RTN1: variants seen among roughly 807,000 people sequenced by gnomAD.
The protein encoded by RTN1 is reticulon-1.
Under a neutral mutation model 65.5 loss-of-function variants are expected in RTN1, and 25 were observed. The observed-to-expected ratio is 0.38, with a 90% CI of 0.28 to 0.53. The LOEUF (loss-of-function observed/expected upper bound fraction) is 0.53. Ranked by LOEUF, RTN1 falls within the 20% of genes least tolerant of loss-of-function variation. The pLI, the probability that RTN1 is intolerant of heterozygous loss-of-function variation, is 0.79. For missense variants in RTN1, 983 were observed against 1,025.4 expected, an observed-to-expected ratio of 0.96 and a Z score of 0.57; for synonymous variants, 471 against 447.6, an observed-to-expected ratio of 1.05 and a Z score of -0.66.
At chr14:59,690,311 G>GT (rs917910310) in intron 3 of RTN1, among the ~76,000 whole-genome samples, 4 of 151,476 alleles carry the variant, frequency 2.6e-5, no homozygotes, top group Admixed American at 1.3e-4. Context: ...AGGTGGGGGG[G>GT]GGTCATTATC....
intron 1 of RTN1, among the ~76,000 whole-genome samples, chr14:59,763,465 G>C (rs963489465): frequency 6.6e-6 from 1 of 151,668 alleles, no homozygotes; most frequent in Non-Finnish European, 1.5e-5. Flanking sequence ...GGAAGAAAAA[G>C]GCCAATAAAT....
chr14:59,603,551 G>T (rs996315719), intron 6 of RTN1, among the ~76,000 whole-genome samples: 2 of 151,380 alleles, frequency 1.3e-5, no homozygotes, highest in African/African-American at 4.9e-5. Flanking sequence ...TCCATCCATA[G>T]CTGCCACTGT....
intron 1 of RTN1, among the ~76,000 whole-genome samples, chr14:59,768,680 T>C (rs1234478946): frequency 6.6e-6 from 1 of 152,132 alleles, no homozygotes; most frequent in Non-Finnish European, 1.5e-5. Flanking sequence ...CATGCTAATA[T>C]GGTTCTGTTC....
chr14:59,777,781 G>C (rs192994892), intron 1 of RTN1, among the ~76,000 whole-genome samples: 1 of 148,586 alleles, frequency 6.7e-6, no homozygotes, highest in Non-Finnish European at 1.5e-5. Flanking sequence ...AATCAAAAAC[G>C]GAAGCAAGTC....
intron 1 of RTN1, among the ~76,000 whole-genome samples, chr14:59,859,364 T>C (rs1233886370): frequency 6.6e-6 from 1 of 152,204 alleles, no homozygotes; most frequent in African/African-American, 2.4e-5. Flanking sequence ...CTGCCATCCA[T>C]GTAAGACATG....
intron 1 of RTN1, among the ~76,000 whole-genome samples, chr14:59,858,400 T>A (rs753778588): frequency 2.0e-5 from 3 of 152,200 alleles, no homozygotes; most frequent in Non-Finnish European, 4.4e-5. Context: ...ATGACATTGT[T>A]TTCTATTCCT....
In RTN1 at chr14:59,807,178, A is replaced by C. The variant is rs890705527; in HGVS notation, c.242-60697T>G. On this transcript the variant is annotated intron_variant, in intron 1 of 8. Coordinates refer to ENST00000267484, the MANE Select transcript of RTN1 (RefSeq NM_021136.3). The stretch of plus-strand genomic sequence containing the variant: ...CAAATTAGAGGGCTTTCTAGGAAGC[A>C]TGGTGGGTGGTGACAGTGAGGTGGC... Among the ~76,000 whole-genome samples, 67 of 152,200 alleles carry C rather than the reference A, an allele frequency of 4.4e-4. 1 individual carries two copies. Among genetic ancestry groups the C allele is most frequent in the Non-Finnish European group, 1.3e-4 (9 of 68,030 alleles).
intron 3 of RTN1, among the ~76,000 whole-genome samples, chr14:59,617,614 T>C (rs940361963): frequency 2.0e-5 from 3 of 152,210 alleles, no homozygotes; most frequent in African/African-American, 7.2e-5. Context: ...TTGTTAGCTG[T>C]TCTTGAGGTT....
intron 1 of RTN1, among the ~76,000 whole-genome samples, chr14:59,826,689 T>C (rs10137860): frequency 0.025 from 3,869 of 152,288 alleles, 134 homozygotes; most frequent in African/African-American, 0.078. Context: ...GAAGAAAATA[T>C]AGTGTTTCTA....
At position 59,803,457 on chromosome 14, in the gene RTN1, A is replaced by G. The variant is rs145785278; in HGVS notation, c.242-56976T>C. On this transcript the variant is annotated intron_variant, in intron 1 of 8. Transcript: ENST00000267484. The surrounding 1 kb of genome is among the most constrained non-coding windows in gnomAD (Gnocchi z 5.6). ...GCAAAGAATTAGGGCAACTATCCAG[A>G]TAATTCAGGCCACCCAAATCTACTC... Among the ~76,000 whole-genome samples, 7 of 152,268 alleles carry G rather than the reference A, an allele frequency of 4.6e-5. No homozygotes were observed. The East Asian group carries it at 1.4e-3, about 29-fold the overall frequency.
intron 3 of RTN1, among the ~76,000 whole-genome samples, chr14:59,661,931 T>A (rs1883257245): frequency 6.6e-6 from 1 of 152,102 alleles, no homozygotes. Context: ...AAATAAAGCG[T>A]ATTCAATTAG....
At chr14:59,809,262 T>C (rs140484613) in intron 1 of RTN1, among the ~76,000 whole-genome samples, 82 of 152,256 alleles carry the variant, frequency 5.4e-4, no homozygotes, top group African/African-American at 1.9e-3. Flanking sequence ...GTATATCCTA[T>C]GTAAATCTCT....
At chr14:59,637,710 CAAAA>C in intron 3 of RTN1, among the ~76,000 whole-genome samples, 1 of 112,222 alleles carries the variant, frequency 8.9e-6, no homozygotes, top group Admixed American at 8.7e-5. Flanking sequence ...GACTCCGTCT[CAAAA>C]AAAAAAAAAA....
rs192765013 is a variant in RTN1 at position 59,867,327 on chromosome 14, G to A, written c.241+3063C>T. Among the ~76,000 whole-genome samples, 115 of 152,254 alleles carry A rather than the reference G, an allele frequency of 7.6e-4. 1 individual carries two copies. Among genetic ancestry groups the A allele is most frequent in the Non-Finnish European group, 9.6e-4 (65 of 67,992 alleles). On this transcript the variant is annotated intron_variant, in intron 1 of 8. Coordinates refer to ENST00000267484, the MANE Select transcript of RTN1 (RefSeq NM_021136.3). Reference sequence around the variant, plus strand: ...CTTTGTATAAAGTTATTAGATGATGGCACTTTTATGATTAACAACGCTAAC... The same window carrying A: ...CTTTGTATAAAGTTATTAGATGATGACACTTTTATGATTAACAACGCTAAC...
chr14:59,710,531 A>T (rs1168351911), intron 3 of RTN1, among the ~76,000 whole-genome samples: 2 of 152,242 alleles, frequency 1.3e-5, no homozygotes, highest in East Asian at 3.8e-4. Flanking sequence ...CATGGGGGGA[A>T]TAATGTCCTT....
chr14:59,628,690 T>A lies in RTN1; in HGVS notation c.1766-21198A>T, dbSNP rs1444427367. On this transcript the variant is annotated intron_variant, in intron 3 of 8. Transcript: ENST00000267484. ...GTAGCTCTGCATCAGAAATGAAAAATTATTGTCTTCAATGGCGAAACTATG... is the reference window on the plus strand; with the variant it reads ...GTAGCTCTGCATCAGAAATGAAAAAATATTGTCTTCAATGGCGAAACTATG... Among the ~76,000 whole-genome samples, 5 of 152,204 alleles carry A rather than the reference T, an allele frequency of 3.3e-5. No homozygotes were observed. The East Asian group carries it at 9.6e-4, about 29-fold the overall frequency.
At chr14:59,782,222 T>C (rs568184585) in intron 1 of RTN1, among the ~76,000 whole-genome samples, 20 of 152,240 alleles carry the variant, frequency 1.3e-4, no homozygotes, top group East Asian at 7.7e-4. Flanking sequence ...AGCTATCTAG[T>C]TTATGGTATT....
intron 1 of RTN1, among the ~76,000 whole-genome samples, chr14:59,750,373 T>TATA (rs551805260): frequency 0.25 from 7,539 of 30,464 alleles, 1,515 homozygotes; most frequent in African/African-American, 0.52. Flanking sequence ...ATATTATATC[T>TATA]ATATATTATA....
At chr14:59,689,963 A>G (rs1180792644) in intron 3 of RTN1, among the ~76,000 whole-genome samples, 1 of 147,034 alleles carries the variant, frequency 6.8e-6, no homozygotes, top group Non-Finnish European at 1.5e-5. Flanking sequence ...ACATATCAAT[A>G]TTAATCTTGA....
Sources: allele counts gnomAD v4.1 joint callset (sites outside exome capture counted in the v4.1 genomes callset), GRCh38; gene constraint gnomAD v4.1.1; non-coding constraint Gnocchi (gnomAD v3.1); transcripts MANE v1.5; gene names NCBI Gene and HGNC (gene_info 2026-07-23, HGNC 2026-07-21).